Variants in COL23A1 observed in about 807,000 individuals in gnomAD.
COL23A1 encodes collagen alpha-1(XXIII) chain.
Under a neutral mutation model 99.3 loss-of-function variants are expected in COL23A1, and 97 were observed. That is an observed-to-expected ratio of 0.98 (90% CI 0.83 to 1.16). The LOEUF is 1.16. COL23A1 is among the 50% of genes most tolerant of loss of function. The probability of loss-of-function intolerance (pLI) is 0.00; values close to 1 mark genes in which losing one functional copy is unlikely to be tolerated. For missense variants in COL23A1, 762 were observed against 757.4 expected (o/e 1.01, Z -0.07); for synonymous variants, 320 against 308.2 (o/e 1.04, Z -0.40).
At chr5:178,285,391 C>A (rs1342632301) in intron 5 of COL23A1, among the ~76,000 whole-genome samples, 3 of 152,142 alleles carry the variant, frequency 2.0e-5, no homozygotes, top group Non-Finnish European at 2.9e-5. Flanking sequence ...TACAAAAAAA[C>A]ACAAAAAACA....
At chr5:178,561,417 A>G (rs1762553415) in intron 1 of COL23A1, among the ~76,000 whole-genome samples, 1 of 152,222 alleles carries the variant, frequency 6.6e-6, no homozygotes, top group African/African-American at 2.4e-5. Flanking sequence ...GAATTACCAC[A>G]GAACGAGGGT....
intron 2 of COL23A1, among the ~76,000 whole-genome samples, chr5:178,349,784 G>T (rs1761213564): frequency 1.3e-5 from 2 of 152,206 alleles, no homozygotes; most frequent in African/African-American, 4.8e-5. Context: ...GCAGGGGTGA[G>T]AGTGGGGGGA....
In COL23A1 at chr5:178,308,129, G is replaced by A. The variant is rs541410362; in HGVS notation, c.362-1210C>T. 1.5e-4 allele frequency among the ~76,000 whole-genome samples: 23 copies of A among 152,184 alleles called. No homozygotes were observed. In the South Asian group the frequency reaches 4.6e-3, roughly 30 times the overall value. On this transcript the variant is annotated intron_variant, in intron 2 of 28. Coordinates refer to ENST00000390654, the MANE Select transcript of COL23A1 (RefSeq NM_173465.4). The surrounding 1 kb of genome is among the most constrained non-coding windows in gnomAD (Gnocchi z 5.1). ...TGTGTGTCTGTGTATGTATGTTTGT[G>A]TCTGTGTGTCCTGTGGGAGGTGCTT...
chr5:178,257,880 C>A (rs1210966081), intron 12 of COL23A1, among the ~76,000 whole-genome samples: 2 of 152,214 alleles, frequency 1.3e-5, no homozygotes, highest in Non-Finnish European at 2.9e-5. Flanking sequence ...CAGGTGGGGT[C>A]AGAGGAGGCC....
At chr5:178,312,002 A>G (rs1376165038) in intron 2 of COL23A1, among the ~76,000 whole-genome samples, 1 of 152,082 alleles carries the variant, frequency 6.6e-6, no homozygotes, top group Non-Finnish European at 1.5e-5. Context: ...AAGTGCTGGG[A>G]TTACAGGTGT....
intron 16 of COL23A1, among the ~76,000 whole-genome samples, chr5:178,254,574 C>T (rs2127542535): frequency 6.6e-6 from 1 of 152,332 alleles, no homozygotes; most frequent in East Asian, 1.9e-4. Flanking sequence ...GAGCTTGCCA[C>T]TCTCATCCTC....
chr5:178,300,721 G>GTATTTATTTATTTATT (rs55980122), intron 3 of COL23A1, among the ~76,000 whole-genome samples: 1 of 145,738 alleles, frequency 6.9e-6, no homozygotes, highest in African/African-American at 2.6e-5. Flanking sequence ...GCTAGCTTTT[G>GTATTTATTTATTTATT]TATTTATTTA....
At chr5:178,520,484 T>C (rs73342669) in intron 2 of COL23A1, among the ~76,000 whole-genome samples, 2,450 of 152,308 alleles carry the variant, frequency 0.016, 82 homozygotes, top group African/African-American at 0.056. Context: ...CTCAGGGCTC[T>C]GTCGATGTGT....
At chr5:178,509,940 T>G (rs921273590) in intron 2 of COL23A1, among the ~76,000 whole-genome samples, 2 of 152,214 alleles carry the variant, frequency 1.3e-5, no homozygotes, top group South Asian at 4.1e-4. Context: ...TGACAACTCC[T>G]GTAAAGCTCA....
intron 2 of COL23A1, among the ~76,000 whole-genome samples, chr5:178,338,498 A>T (rs573901618): frequency 1.4e-5 from 2 of 145,246 alleles, no homozygotes; most frequent in African/African-American, 5.1e-5. Context: ...AAGCCCTTTA[A>T]TGACAGCAGC....
chr5:178,358,121 ACG>A (rs1761850575), intron 2 of COL23A1, among the ~76,000 whole-genome samples: 1 of 137,986 alleles, frequency 7.2e-6, no homozygotes. Context: ...GTGTATGTGT[ACG>A]TGTGTACGTC....
intron 2 of COL23A1, among the ~76,000 whole-genome samples, chr5:178,391,617 A>T (rs1277716396): frequency 6.6e-6 from 1 of 152,194 alleles, no homozygotes; most frequent in Non-Finnish European, 1.5e-5. Flanking sequence ...TGGAACCCTC[A>T]TCCATAGCTG....
At position 178,384,851 on chromosome 5, in the gene COL23A1, C is replaced by T. The variant is rs868816616; in HGVS notation, c.362-77932G>A. ...CCTTTTCCTAAAGCATTAAAAGGTCCGTAACAGAAAAGCGGGAAATAGCCT... is the reference window on the plus strand; with the variant it reads ...CCTTTTCCTAAAGCATTAAAAGGTCTGTAACAGAAAAGCGGGAAATAGCCT... On this transcript the variant is annotated intron_variant, in intron 2 of 28. Transcript: ENST00000390654. The surrounding 1 kb of genome is among the most constrained non-coding windows in gnomAD (Gnocchi z 5.5). Among the ~76,000 whole-genome samples, 1 of 152,268 alleles carries T rather than the reference C, an allele frequency of 6.6e-6. No homozygotes were observed. The highest frequency in any genetic ancestry group is 6.5e-5 in the Admixed American group (1 of 15,300).
At chr5:178,256,430 A>G (rs775731750) in intron 14 of COL23A1, 33 bp from the exon 15 acceptor site, 5 of 1,591,582 alleles carry the variant, frequency 3.1e-6, no homozygotes, top group Admixed American at 3.5e-5. Flanking sequence ...CCAGAGGTGC[A>G]GCTGTGAAGC....
At chr5:178,450,169 G>A (rs996770902) in intron 2 of COL23A1, among the ~76,000 whole-genome samples, 3 of 152,160 alleles carry the variant, frequency 2.0e-5, no homozygotes, top group Admixed American at 2.0e-4. Flanking sequence ...CCAGCAAGCA[G>A]CCCTAGGTAT....
intron 2 of COL23A1, among the ~76,000 whole-genome samples, chr5:178,314,276 G>A (rs1395813670): frequency 6.6e-6 from 1 of 152,086 alleles, no homozygotes; most frequent in African/African-American, 2.4e-5. Context: ...ACCGGGAGCC[G>A]AACAGCGCTG....
chr5:178,469,988 C>T (rs149181843), intron 2 of COL23A1, among the ~76,000 whole-genome samples: 1 of 152,306 alleles, frequency 6.6e-6, no homozygotes, highest in African/African-American at 2.4e-5. Flanking sequence ...TATTTCCACC[C>T]CATTTGTCTA....
rs909771151 is a variant in COL23A1, at chr5:178,309,640, C to A, written c.362-2721G>T. ...AGCTCACCTCCCGACTTCCCACGCG[C>A]CCCCTGCCTCCCTTGTTACTTACCT... On this transcript the variant is annotated intron_variant, in intron 2 of 28. Transcript: ENST00000390654. This position sits in a 1 kb window ranked among gnomAD's most constrained non-coding sequence, Gnocchi z 4.7. 2.0e-5 allele frequency among the ~76,000 whole-genome samples: 3 copies of A among 151,996 alleles called. No individual in the cohort carries two copies. The highest frequency in any genetic ancestry group is 4.4e-5 in the Non-Finnish European group (3 of 67,990).
intron 1 of COL23A1, 119 bp from the exon 2 acceptor site, chr5:178,560,867 C>T (rs1762527001): frequency 1.1e-6 from 1 of 940,200 alleles, no homozygotes; most frequent in Non-Finnish European, 1.6e-6. Flanking sequence ...AGTGCTGGGG[C>T]TGTCTGTGAG....
Sources: gnomAD v4.1 joint callset for allele counts (sites outside exome capture counted in the v4.1 genomes callset) on GRCh38, gnomAD v4.1.1 for gene constraint, Gnocchi (gnomAD v3.1) non-coding constraint, MANE v1.5 for transcripts, NCBI Gene and HGNC (gene_info 2026-07-23, HGNC 2026-07-21) for gene names.